The following DENND5A variants were observed in gnomAD, a reference collection of about 807,000 sequenced individuals.
DENND5A encodes DENN domain-containing protein 5A.
A neutral mutation model predicts 140.3 loss-of-function variants in DENND5A; 64 were observed. The ratio of observed to expected loss-of-function variants is 0.46; its 90% CI spans 0.37 to 0.56. The LOEUF (loss-of-function observed/expected upper bound fraction) is 0.56, where lower values mean the gene tolerates loss of function less well. Among genes scored for constraint, DENND5A ranks in the 20% least tolerant of loss-of-function variants. The pLI, the probability that DENND5A is intolerant of heterozygous loss-of-function variation, is 0.00. For synonymous variants in DENND5A, 605 were observed against 607.7 expected, an observed-to-expected ratio of 1.00 and a Z score of 0.07; for missense variants, 1,292 against 1,593.8, an observed-to-expected ratio of 0.81 and a Z score of 3.22.
intron 4 of DENND5A, 93 bp downstream of exon 4, chr11:9,203,567 G>GCT (rs1376406541): frequency 6.3e-6 from 9 of 1,427,564 alleles, no homozygotes; most frequent in Middle Eastern, 1.8e-4. Flanking sequence ...AACTGTAATA[G>GCT]CTCTTAACCT....
intron 12 of DENND5A, among the ~76,000 whole-genome samples, chr11:9,153,240 C>T (rs201456552): frequency 0.24 from 35,295 of 145,932 alleles, 4,603 homozygotes; most frequent in African/African-American, 0.36. Context: ...TCACTCGAAC[C>T]GAACCTGGGA....
intron 21 of DENND5A, among the ~76,000 whole-genome samples, chr11:9,142,517 CA>C (rs1847279408): frequency 6.6e-6 from 1 of 152,262 alleles, no homozygotes; most frequent in South Asian, 2.1e-4. Context: ...CTTTTCTGTG[CA>C]ATTCTCAAGA....
chr11:9,157,392 G>A (rs1211415128), intron 12 of DENND5A, among the ~76,000 whole-genome samples: 5 of 152,268 alleles, frequency 3.3e-5, no homozygotes, highest in South Asian at 2.1e-4. Flanking sequence ...GGTAAACTGC[G>A]TATCACAGGG....
At position 9,155,751 on chromosome 11, in the gene DENND5A, C is replaced by T. The variant is rs574075363; in HGVS notation, c.2437-3309G>A. On this transcript the variant is annotated intron_variant, in intron 12 of 22. Transcript: ENST00000328194. ...GCAGTTACAAAACCAGTATGAAAAA[C>T]CAAACCTCTATCTGATAGAAAAACA... 1.6e-3 allele frequency among the ~76,000 whole-genome samples: 241 copies of T among 152,310 alleles called. 1 individual carries two copies. The highest frequency in any genetic ancestry group is 3.3e-3 in the Admixed American group (51 of 15,306).
At chr11:9,244,621 G>A (rs1231006098) in intron 1 of DENND5A, among the ~76,000 whole-genome samples, 2 of 151,884 alleles carry the variant, frequency 1.3e-5, no homozygotes, top group Non-Finnish European at 2.9e-5. Context: ...CGCCCGCTTC[G>A]GCCTCCCAAA....
At chr11:9,234,975 C>T (rs999077103) in intron 1 of DENND5A, among the ~76,000 whole-genome samples, 6 of 152,160 alleles carry the variant, frequency 3.9e-5, no homozygotes, top group African/African-American at 1.4e-4. Context: ...ACTCCTCTAG[C>T]GCCGCTGGGT....
chr11:9,204,683 C>A (rs948912145), intron 3 of DENND5A, among the ~76,000 whole-genome samples: 4 of 152,024 alleles, frequency 2.6e-5, no homozygotes, highest in Non-Finnish European at 5.9e-5. Context: ...GGCAACATGG[C>A]GAAACCCTGT....
chr11:9,239,440 A>C (rs1590322532), intron 1 of DENND5A, among the ~76,000 whole-genome samples: 1 of 150,738 alleles, frequency 6.6e-6, no homozygotes, highest in Non-Finnish European at 1.5e-5. Flanking sequence ...AGACTCAAGC[A>C]ATCCTCCTGC....
At chr11:9,263,497 C>A (rs1183648085) in intron 1 of DENND5A, among the ~76,000 whole-genome samples, 1 of 149,854 alleles carries the variant, frequency 6.7e-6, no homozygotes, top group African/African-American at 2.4e-5. Flanking sequence ...GCTGGGATTA[C>A]CCCTGAGCCG....
Position 9,143,154 on chromosome 11 carries a change from G to A in DENND5A, c.3387+249C>T, listed in dbSNP as rs562311784. ...CAAATCTAGAAGAGGACAGGAATAG[G>A]CACTGTTCACTAGGGGCCCAGGGAC... On this transcript the variant is annotated intron_variant, in intron 20 of 22. Coordinates refer to ENST00000328194, the MANE Select transcript of DENND5A (RefSeq NM_015213.4). 18 of 592,376 alleles carry A rather than the reference G, an allele frequency of 3.0e-5. No individual in the cohort carries two copies. The African/African-American group carries it at 3.3e-4, about 11-fold the overall frequency. The allele number at this position is 592,376 out of a possible 1,614,324, so 36.7% of individuals were successfully genotyped here.
intron 1 of DENND5A, among the ~76,000 whole-genome samples, chr11:9,220,460 T>C (rs1236018415): frequency 2.0e-5 from 3 of 151,890 alleles, no homozygotes; most frequent in Admixed American, 1.3e-4. Context: ...GGCAGGAGAA[T>C]CACTTGAACC....
At chr11:9,141,312 T>G (rs755788561) in intron 22 of DENND5A, among the ~76,000 whole-genome samples, 1 of 152,154 alleles carries the variant, frequency 6.6e-6, no homozygotes, top group African/African-American at 2.4e-5. Flanking sequence ...CTGCCCCGAG[T>G]TACATACACG....
In DENND5A at chr11:9,144,977, G is replaced by A. The variant is rs1258423578; in HGVS notation, c.3122+18C>T. On this transcript the variant is annotated intron_variant, in intron 18 of 22. Coordinates refer to ENST00000328194, the MANE Select transcript of DENND5A (RefSeq NM_015213.4). ...ATACACCTTGCCCCTCTACCTTACA[G>A]CCTGAGGGTATACTTACTTGTAGGT... The A allele has an allele frequency of 6.4e-7, 1 of 1,564,240 alleles. No homozygotes were observed. The highest frequency in any genetic ancestry group is 8.8e-7 in the Non-Finnish European group (1 of 1,134,694).
At chr11:9,230,343 C>T (rs1305626696) in intron 1 of DENND5A, among the ~76,000 whole-genome samples, 1 of 143,678 alleles carries the variant, frequency 7.0e-6, no homozygotes, top group Non-Finnish European at 1.5e-5. Context: ...TGAGCTCAAG[C>T]GATCCACCCA....
At chr11:9,239,189 T>TTTTA (rs559768814) in intron 1 of DENND5A, among the ~76,000 whole-genome samples, 507 of 152,038 alleles carry the variant, frequency 3.3e-3, no homozygotes, top group Non-Finnish European at 5.2e-3. Flanking sequence ...AAACTCAACA[T>TTTTA]TTTATTTATT....
At chr11:9,250,319 C>T (rs61877912) in intron 1 of DENND5A, among the ~76,000 whole-genome samples, 1 of 151,296 alleles carries the variant, frequency 6.6e-6, no homozygotes, top group African/African-American at 2.4e-5. Flanking sequence ...ACTACCTAGT[C>T]TAAGAAAAAC....
intron 5 of DENND5A, 134 bp downstream of exon 5, chr11:9,193,360 C>T: frequency 1.6e-6 from 1 of 615,806 alleles, no homozygotes; most frequent in Non-Finnish European, 2.6e-6. Context: ...TTACTTTTTT[C>T]CTGAGAAGTT....
At chr11:9,239,524 G>T (rs1192410555) in intron 1 of DENND5A, among the ~76,000 whole-genome samples, 2 of 150,982 alleles carry the variant, frequency 1.3e-5, no homozygotes, top group Non-Finnish European at 2.9e-5. Flanking sequence ...TAGAGACAAG[G>T]TCTTGCTATG....
Position 9,157,285 on chromosome 11 carries a change from C to A in DENND5A, c.2436+3428G>T, listed in dbSNP as rs78810851. Reference sequence around the variant, plus strand: ...ATACTTATCACACGCCAGGTATTTCCTTTCATTGCCTCTAATGATCACAGC... The same window carrying A: ...ATACTTATCACACGCCAGGTATTTCATTTCATTGCCTCTAATGATCACAGC... On this transcript the variant is annotated intron_variant, in intron 12 of 22. Coordinates refer to ENST00000328194, the MANE Select transcript of DENND5A (RefSeq NM_015213.4). Among the ~76,000 whole-genome samples, 438 of 152,298 alleles carry A rather than the reference C, an allele frequency of 2.9e-3. 2 individuals are homozygous for A. Among genetic ancestry groups the A allele is most frequent in the African/African-American group, 0.01 (416 of 41,570 alleles).
Sources: allele counts gnomAD v4.1 joint callset (sites outside exome capture counted in the v4.1 genomes callset), GRCh38; gene constraint gnomAD v4.1.1; transcripts MANE v1.5; gene names NCBI Gene and HGNC (gene_info 2026-07-23, HGNC 2026-07-21).